CASR: variants seen among roughly 807,000 people sequenced by gnomAD.
CASR encodes the protein extracellular calcium-sensing receptor.
In CASR, 23 loss-of-function variants were observed where a neutral mutation model predicts 69.1. The observed-to-expected ratio is 0.33, with a 90% CI of 0.24 to 0.47. The LOEUF (loss-of-function observed/expected upper bound fraction) is 0.47. CASR is among the 20% of genes least tolerant of loss of function. The pLI is 1.00. For synonymous variants in CASR, 541 were observed against 544.7 expected (o/e 0.99, Z 0.10); for missense variants, 924 against 1,356.1 (o/e 0.68, Z 5.00).
chr3:122,224,647 C>G (rs1251576398), intron 1 of CASR, among the ~76,000 whole-genome samples: 1 of 152,116 alleles, frequency 6.6e-6, no homozygotes, highest in Non-Finnish European at 1.5e-5. Context: ...AATGCTATTC[C>G]TATCAAACCA....
At chr3:122,214,695 G>A (rs2074099268) in intron 1 of CASR, among the ~76,000 whole-genome samples, 1 of 152,170 alleles carries the variant, frequency 6.6e-6, no homozygotes, top group South Asian at 2.1e-4. Flanking sequence ...AGACTCTAAT[G>A]GCTAGAATTT....
chr3:122,198,172 G>T (rs192048517), intron 1 of CASR, among the ~76,000 whole-genome samples: 14 of 152,288 alleles, frequency 9.2e-5, no homozygotes, highest in African/African-American at 3.4e-4. Flanking sequence ...TCCATAAAGA[G>T]CAAATTATCT....
chr3:122,282,928 C>G (rs2074910426), intron 6 of CASR, among the ~76,000 whole-genome samples: 1 of 152,198 alleles, frequency 6.6e-6, no homozygotes, highest in Admixed American at 6.5e-5. Flanking sequence ...GGCCAGGATT[C>G]CATCCAGATC....
At chr3:122,258,725 CCAA>C (rs2074584781) in intron 3 of CASR, among the ~76,000 whole-genome samples, 1 of 152,090 alleles carries the variant, frequency 6.6e-6, no homozygotes, top group Non-Finnish European at 1.5e-5. Flanking sequence ...ATCAATCAAA[CCAA>C]TATAAGTCTA....
chr3:122,184,640 G>C (rs988274415), intron 1 of CASR: 2 of 152,500 alleles, frequency 1.3e-5, no homozygotes, highest in Admixed American at 1.3e-4. Context: ...GCACACGCCG[G>C]AGCAGCTCCA....
chr3:122,272,599 G>C (rs894598081), intron 4 of CASR, among the ~76,000 whole-genome samples: 4 of 152,168 alleles, frequency 2.6e-5, no homozygotes, highest in African/African-American at 9.7e-5. Context: ...CCATCAGTTA[G>C]CAGTTAACTA....
intron 1 of CASR, among the ~76,000 whole-genome samples, chr3:122,222,515 AAT>A (rs921452634): frequency 6.6e-6 from 1 of 152,208 alleles, no homozygotes; most frequent in African/African-American, 2.4e-5. Flanking sequence ...TAGTAGTAAT[AAT>A]AAAGGATTCA....
chr3:122,229,575 G>A (rs2074260567), intron 1 of CASR, among the ~76,000 whole-genome samples: 1 of 148,902 alleles, frequency 6.7e-6, no homozygotes, highest in African/African-American at 2.5e-5. Flanking sequence ...GAAGTAAGAA[G>A]CCTCAGCCAA....
At chr3:122,204,550 A>G (rs2073987601) in intron 1 of CASR, among the ~76,000 whole-genome samples, 1 of 152,166 alleles carries the variant, frequency 6.6e-6, no homozygotes, top group Admixed American at 6.5e-5. Flanking sequence ...ATAGGAGTGC[A>G]AATATCTTCT....
chr3:122,184,995 C>A (rs6780443), intron 1 of CASR, among the ~76,000 whole-genome samples: 29,902 of 152,064 alleles, frequency 0.2, 3,271 homozygotes, highest in Middle Eastern at 0.26. Flanking sequence ...AAGCTACCAG[C>A]TGTCTTGGGA....
At chr3:122,208,696 G>A (rs1426335834) in intron 1 of CASR, among the ~76,000 whole-genome samples, 1 of 152,168 alleles carries the variant, frequency 6.6e-6, no homozygotes, top group Non-Finnish European at 1.5e-5. Context: ...CCCCATGGGA[G>A]CAGACATCTG....
In CASR at chr3:122,284,121, C is replaced by T. The variant is rs2107650065; in HGVS notation, c.2167C>T (p.Leu723=). Residue 723 remains leucine, a synonymous_variant, in exon 7 of 7, where the codon CTG becomes TTG. Coordinates refer to ENST00000639785, the MANE Select transcript of CASR (RefSeq NM_000388.4). Reference sequence around the variant, plus strand: ...CCACCGCAAGTGGTGGGGGCTCAACCTGCAGTTCCTGCTGGTTTTCCTCTG... The same window carrying T: ...CCACCGCAAGTGGTGGGGGCTCAACTTGCAGTTCCTGCTGGTTTTCCTCTG... The part of the protein sequence containing the change: ...SFHRKWWGLN[L]QFLLVFLCTF... 3.7e-6 allele frequency: 6 copies of T among 1,614,000 alleles called. No homozygotes were observed. Among genetic ancestry groups the T allele is most frequent in the South Asian group, 2.2e-5 (2 of 91,070 alleles).
chr3:122,243,709 A>G (rs954225252), intron 1 of CASR, among the ~76,000 whole-genome samples: 1 of 152,172 alleles, frequency 6.6e-6, no homozygotes, highest in African/African-American at 2.4e-5. Context: ...CAGTATATCA[A>G]AGGGATATCT....
chr3:122,197,778 C>T (rs1177275526), intron 1 of CASR, among the ~76,000 whole-genome samples: 1 of 152,162 alleles, frequency 6.6e-6, no homozygotes, highest in Non-Finnish European at 1.5e-5. Context: ...CCTTCTTCAG[C>T]TTTTCTTTCT....
chr3:122,215,266 G>A (rs548301987), intron 1 of CASR, among the ~76,000 whole-genome samples: 101 of 152,308 alleles, frequency 6.6e-4, no homozygotes, highest in African/African-American at 2.1e-3. Context: ...CCAAATGAAT[G>A]TGGTCCCCTT....
chr3:122,193,397 G>A (rs1364754800), intron 1 of CASR, among the ~76,000 whole-genome samples: 3 of 151,584 alleles, frequency 2.0e-5, no homozygotes, highest in African/African-American at 7.3e-5. Context: ...TTGTATTTTT[G>A]ATAGAGACAG....
At chr3:122,231,314 G>C (rs1339720872) in intron 1 of CASR, among the ~76,000 whole-genome samples, 1 of 152,120 alleles carries the variant, frequency 6.6e-6, no homozygotes, top group African/African-American at 2.4e-5. Flanking sequence ...AGGCATTCTA[G>C]GACTGGTCAG....
rs2074953819 is a variant in CASR, at chr3:122,285,077, G to A, written c.3123G>A (p.Arg1041=). 6.2e-7 allele frequency: 1 copy of A among 1,614,214 alleles called. No homozygotes were observed. Among genetic ancestry groups the A allele is most frequent in the East Asian group, 2.2e-5 (1 of 44,892 alleles). Residue 1041 remains arginine, a synonymous_variant, in exon 7 of 7, where the codon CGG becomes CGA. Transcript: ENST00000639785. ...GLQGPVGGDQ[R]PEVEDPEELS... ...AAGGACCTGTGGGTGGAGACCAGCG[G>A]CCAGAGGTGGAGGACCCTGAAGAGT...
intron 1 of CASR, among the ~76,000 whole-genome samples, chr3:122,227,309 G>A (rs1576834264): frequency 6.6e-6 from 1 of 152,364 alleles, no homozygotes; most frequent in African/African-American, 2.4e-5. Flanking sequence ...GCCCATGGTG[G>A]GGGGTTGGGG....
Sources: gnomAD v4.1 joint callset for allele counts (sites outside exome capture counted in the v4.1 genomes callset) on GRCh38, gnomAD v4.1.1 for gene constraint, MANE v1.5 for transcripts, NCBI Gene and HGNC (gene_info 2026-07-23, HGNC 2026-07-21) for gene names.